The following TACR1 variants were observed in gnomAD, a reference collection of about 807,000 sequenced individuals.
TACR1 encodes tachykinin receptor 1.
In TACR1, 25 loss-of-function variants were observed where a neutral mutation model predicts 35.8. The ratio of observed to expected loss-of-function variants is 0.70; its 90% confidence interval spans 0.51 to 0.98. TACR1 has a LOEUF of 0.98. Ranked by LOEUF, TACR1 falls within the 50% of genes least tolerant of loss-of-function variation. TACR1 has a pLI of 0.00. For synonymous variants in TACR1, 195 were observed against 206.7 expected, an observed-to-expected ratio of 0.94 and a Z score of 0.48; for missense variants, 478 against 522.9, an observed-to-expected ratio of 0.91 and a Z score of 0.84.
intron 2 of TACR1, among the ~76,000 whole-genome samples, chr2:75,071,477 C>T (rs114376511): frequency 0.012 from 1,780 of 152,278 alleles, 27 homozygotes; most frequent in African/African-American, 0.039. Flanking sequence ...TATTCAACAT[C>T]GACTTACATT....
chr2:75,197,382 T>G (rs1018775403), intron 1 of TACR1, among the ~76,000 whole-genome samples: 1 of 152,236 alleles, frequency 6.6e-6, no homozygotes, highest in Admixed American at 6.5e-5. Flanking sequence ...GAATTTTTTT[T>G]GAAGTTTTCT....
intron 3 of TACR1, 33 bp from the exon 4 acceptor site, chr2:75,051,480 G>T: frequency 6.2e-7 from 1 of 1,611,662 alleles, no homozygotes; most frequent in Middle Eastern, 1.8e-4. Context: ...GAGACCACCA[G>T]CACATCCCCC....
chr2:75,068,308 G>C (rs1172781915), intron 2 of TACR1, among the ~76,000 whole-genome samples: 2 of 152,044 alleles, frequency 1.3e-5, no homozygotes, highest in African/African-American at 2.4e-5. Context: ...ATTGCATGAG[G>C]GTCCCTCACA....
intron 2 of TACR1, 144 bp from the exon 3 acceptor site, chr2:75,053,899 C>T: frequency 9.5e-7 from 1 of 1,050,728 alleles, no homozygotes; most frequent in South Asian, 1.5e-5. Context: ...AAAGCCCACT[C>T]CAGGGAGACT....
chr2:75,109,243 C>T (rs540856609), intron 2 of TACR1, among the ~76,000 whole-genome samples: 1 of 152,154 alleles, frequency 6.6e-6, no homozygotes, highest in South Asian at 2.1e-4. Flanking sequence ...TTCCCATTGG[C>T]TTGAATATTT....
At chr2:75,133,057 C>T (rs551656153) in intron 1 of TACR1, among the ~76,000 whole-genome samples, 1 of 152,172 alleles carries the variant, frequency 6.6e-6, no homozygotes, top group East Asian at 1.9e-4. Flanking sequence ...CCACCTTGGG[C>T]AGGTCCTAGG....
intron 1 of TACR1, among the ~76,000 whole-genome samples, chr2:75,165,066 A>G (rs533337767): frequency 1.3e-5 from 2 of 152,302 alleles, no homozygotes; most frequent in African/African-American, 4.8e-5. Flanking sequence ...CCACCTGAGC[A>G]TCCATGTTAG....
chr2:75,082,642 T>C (rs1418097616), intron 2 of TACR1, among the ~76,000 whole-genome samples: 2 of 152,240 alleles, frequency 1.3e-5, no homozygotes, highest in Non-Finnish European at 2.9e-5. Flanking sequence ...TGATATCTCA[T>C]TGTGGTTTTG....
At chr2:75,157,659 C>A (rs960492753) in intron 1 of TACR1, among the ~76,000 whole-genome samples, 4 of 152,198 alleles carry the variant, frequency 2.6e-5, no homozygotes, top group Admixed American at 6.5e-5. Flanking sequence ...CCTGTCCTTA[C>A]ACTAGATGGA....
chr2:75,178,187 C>G (rs1675473327), intron 1 of TACR1, among the ~76,000 whole-genome samples: 1 of 145,662 alleles, frequency 6.9e-6, no homozygotes, highest in Non-Finnish European at 1.5e-5. Flanking sequence ...CAATTTCTCT[C>G]TTTTTTTTTT....
chr2:75,050,234 G>A (rs1405344712), intron 4 of TACR1, among the ~76,000 whole-genome samples: 1 of 152,176 alleles, frequency 6.6e-6, no homozygotes, highest in East Asian at 1.9e-4. Context: ...TTTACTTAAA[G>A]GCGTGCTGCT....
At chr2:75,153,357 T>G (rs1674716918) in intron 1 of TACR1, among the ~76,000 whole-genome samples, 1 of 152,020 alleles carries the variant, frequency 6.6e-6, no homozygotes, top group African/African-American at 2.4e-5. Flanking sequence ...CTCAGTGGGA[T>G]GTTATGAAAG....
intron 2 of TACR1, among the ~76,000 whole-genome samples, chr2:75,103,253 G>A (rs899382919): frequency 3.9e-5 from 6 of 152,034 alleles, no homozygotes; most frequent in African/African-American, 1.4e-4. Context: ...TGTAGAACTG[G>A]GGCAGGAAAT....
chr2:75,070,219 ATGTGTG>A (rs961134818), intron 2 of TACR1, among the ~76,000 whole-genome samples: 1 of 89,154 alleles, frequency 1.1e-5, no homozygotes, highest in Non-Finnish European at 2.0e-5. Flanking sequence ...CATTGTATGT[ATGTGTG>A]TGTGTGTATG....
chr2:75,195,661 T>G (rs1199396997), intron 1 of TACR1, among the ~76,000 whole-genome samples: 1 of 151,870 alleles, frequency 6.6e-6, no homozygotes, highest in Non-Finnish European at 1.5e-5. Flanking sequence ...GGGATCTATC[T>G]TAAGAAAATA....
Position 75,198,897 on chromosome 2 carries a change from G to T in TACR1, c.38C>A (p.Pro13Gln), listed in dbSNP as rs776049144. ...TTCCGAGGTGTTAGTGGAGATGTTT[G>T]GGGAGAGGTCTGAGTCCACCGGGAG... The part of the protein sequence containing the change: ...NVLPVDSDLS[P>Q]NISTNTSEPN... Residue 13 changes from proline (P) to glutamine (Q), a missense_variant, in exon 1 of 5, where the codon CCA becomes CAA. By Grantham distance (76) the Pro-to-Gln change is moderately conservative. Transcript: ENST00000305249. 1.2e-5 allele frequency: 19 copies of T among 1,613,736 alleles called. No homozygotes were observed. The Admixed American group carries it at 2.2e-4, about 18-fold the overall frequency.
chr2:75,053,801 T>C (rs1308031283), intron 2 of TACR1, 46 bp from the exon 3 acceptor site: 1 of 1,611,856 alleles, frequency 6.2e-7, no homozygotes, highest in East Asian at 2.2e-5. Context: ...TACTTATTAT[T>C]TTAGGTTTTT....
At chr2:75,169,106 C>A (rs1022385216) in intron 1 of TACR1, among the ~76,000 whole-genome samples, 3 of 152,058 alleles carry the variant, frequency 2.0e-5, no homozygotes, top group African/African-American at 7.2e-5. Context: ...CTAATACTTT[C>A]TGAAAAGTAT....
intron 2 of TACR1, among the ~76,000 whole-genome samples, chr2:75,108,864 T>C (rs1572935128): frequency 6.6e-6 from 1 of 152,188 alleles, no homozygotes; most frequent in Admixed American, 6.5e-5. Context: ...TTGTACATAA[T>C]ACTCAAATTT....
Sources: allele counts gnomAD v4.1 joint callset (sites outside exome capture counted in the v4.1 genomes callset), GRCh38; gene constraint gnomAD v4.1.1; transcripts MANE v1.5; gene names NCBI Gene and HGNC (gene_info 2026-07-23, HGNC 2026-07-21).